Variants in SRD5A2 observed in about 807,000 individuals in gnomAD.
SRD5A2 encodes 3-oxo-5-alpha-steroid 4-dehydrogenase 2.
SRD5A2 carries 30 observed loss-of-function variants against 27.4 expected under a neutral mutation model. The observed-to-expected ratio is 1.10, with a 90% CI of 0.82 to 1.49. The LOEUF (loss-of-function observed/expected upper bound fraction) is 1.49, where lower values mean the gene tolerates loss of function less well. Among genes scored for constraint, SRD5A2 ranks in the 40% most tolerant of loss-of-function variants. The pLI, the probability that SRD5A2 is intolerant of heterozygous loss-of-function variation, is 0.00. For synonymous variants in SRD5A2, 141 were observed against 133.6 expected (o/e 1.06, Z -0.38); for missense variants, 348 against 323.4 (o/e 1.08, Z -0.58).
intron 1 of SRD5A2, among the ~76,000 whole-genome samples, chr2:31,562,220 T>C (rs984040598): frequency 4.6e-5 from 7 of 152,150 alleles, no homozygotes; most frequent in African/African-American, 1.4e-4. Context: ...TACAGGTCTT[T>C]TTTTTCCTTT....
the SRD5A2 span, among the ~76,000 whole-genome samples, chr2:31,594,845 T>C: frequency 1.3e-5 from 2 of 152,136 alleles, no homozygotes; most frequent in Non-Finnish European, 2.9e-5. Context: ...CAATTGAAAT[T>C]ATAGCAAGTA....
the SRD5A2 span, among the ~76,000 whole-genome samples, chr2:31,659,038 G>A: frequency 1.3e-5 from 2 of 152,108 alleles, no homozygotes; most frequent in Admixed American, 6.6e-5. Context: ...TTATTCCTGG[G>A]ATTCAAGATT....
At chr2:31,613,838 G>A in the SRD5A2 span, among the ~76,000 whole-genome samples, 1 of 152,124 alleles carries the variant, frequency 6.6e-6, no homozygotes, top group Admixed American at 6.5e-5. Context: ...GTGGCAGGCA[G>A]GAGGGAGCAT....
chr2:31,631,619 G>A, the SRD5A2 span, among the ~76,000 whole-genome samples: 2 of 152,092 alleles, frequency 1.3e-5, no homozygotes, highest in Non-Finnish European at 2.9e-5. Context: ...AACCCTGATG[G>A]CTATATTGAT....
At chr2:31,606,719 T>G in the SRD5A2 span, among the ~76,000 whole-genome samples, 10 of 151,972 alleles carry the variant, frequency 6.6e-5, no homozygotes, top group Non-Finnish European at 1.5e-5. Flanking sequence ...GATACTATGT[T>G]GCTCAAAGCC....
chr2:31,540,473 T>A (rs1206307110), intron 1 of SRD5A2, among the ~76,000 whole-genome samples: 1 of 151,954 alleles, frequency 6.6e-6, no homozygotes, highest in African/African-American at 2.4e-5. Context: ...TATAACAATA[T>A]AGTCAGGGTA....
the SRD5A2 span, among the ~76,000 whole-genome samples, chr2:31,636,639 T>C: frequency 6.6e-6 from 1 of 152,026 alleles, no homozygotes; most frequent in Non-Finnish European, 1.5e-5. Flanking sequence ...TTTCTAAAAC[T>C]ATGTCCCTCC....
At chr2:31,548,464 TA>T (rs1666310371) in intron 1 of SRD5A2, among the ~76,000 whole-genome samples, 1 of 152,124 alleles carries the variant, frequency 6.6e-6, no homozygotes, top group Admixed American at 6.5e-5. Context: ...AAATGGCCCA[TA>T]AGAACCTGAA....
upstream of SRD5A2, among the ~76,000 whole-genome samples, chr2:31,582,149 C>A (rs927473053): frequency 1.3e-5 from 2 of 152,172 alleles, no homozygotes; most frequent in Non-Finnish European, 2.9e-5. Flanking sequence ...CTACTTGGGG[C>A]TCCACCCCAG....
the SRD5A2 span, among the ~76,000 whole-genome samples, chr2:31,660,755 A>C: frequency 4.4e-4 from 67 of 152,250 alleles, no homozygotes; most frequent in African/African-American, 1.6e-3. Flanking sequence ...TTGTAATTGC[A>C]AAACATTGGA....
At chr2:31,639,062 T>C in the SRD5A2 span, among the ~76,000 whole-genome samples, 1 of 152,082 alleles carries the variant, frequency 6.6e-6, no homozygotes, top group African/African-American at 2.4e-5. Flanking sequence ...CTTTTTATTT[T>C]TGTGAATCTA....
the SRD5A2 span, among the ~76,000 whole-genome samples, chr2:31,609,016 A>G: frequency 6.6e-6 from 1 of 152,068 alleles, no homozygotes; most frequent in African/African-American, 2.4e-5. Context: ...AGAAAGAGGG[A>G]GATCTTTTTC....
intron 1 of SRD5A2, among the ~76,000 whole-genome samples, chr2:31,564,597 T>G (rs1248525882): frequency 6.6e-6 from 1 of 151,916 alleles, no homozygotes; most frequent in Non-Finnish European, 1.5e-5. Flanking sequence ...AGGAATATAG[T>G]AACCCAACAT....
chr2:31,548,299 A>T lies in SRD5A2; in HGVS notation c.282-14533T>A, dbSNP rs376963151. ...CATCAAAGACACTATTAATAGAGGA[A>T]AAGGGCAACCCACAGAATGGGAGAA... On this transcript the variant is annotated intron_variant, in intron 1 of 4. Coordinates refer to ENST00000622030, the MANE Select transcript of SRD5A2 (RefSeq NM_000348.4). Among the ~76,000 whole-genome samples, 20 of 152,300 alleles carry T rather than the reference A, an allele frequency of 1.3e-4. No individual in the cohort carries two copies. The South Asian group carries it at 3.5e-3, about 27-fold the overall frequency.
the SRD5A2 span, among the ~76,000 whole-genome samples, chr2:31,607,937 G>C: frequency 1.3e-5 from 2 of 151,976 alleles, no homozygotes; most frequent in African/African-American, 4.8e-5. Flanking sequence ...AGAAGACAAT[G>C]ATCTCTCTTT....
chr2:31,602,718 C>A, the SRD5A2 span, among the ~76,000 whole-genome samples: 240 of 152,062 alleles, frequency 1.6e-3, no homozygotes, highest in Middle Eastern at 0.034. Flanking sequence ...ATACATGGAA[C>A]AACCGAACAG....
chr2:31,645,529 A>T, the SRD5A2 span, among the ~76,000 whole-genome samples: 1 of 152,192 alleles, frequency 6.6e-6, no homozygotes, highest in Non-Finnish European at 1.5e-5. Context: ...CGTTAGTTCA[A>T]TTTGTGTTGA....
At chr2:31,610,234 C>T in the SRD5A2 span, among the ~76,000 whole-genome samples, 2 of 151,982 alleles carry the variant, frequency 1.3e-5, no homozygotes, top group African/African-American at 2.4e-5. Flanking sequence ...AAACTACAGG[C>T]CAATATACTG....
chr2:31,551,375 G>A (rs1666378567), intron 1 of SRD5A2, among the ~76,000 whole-genome samples: 1 of 152,058 alleles, frequency 6.6e-6, no homozygotes, highest in African/African-American at 2.4e-5. Flanking sequence ...CTTACAATGA[G>A]ATTACTTCCT....
Sources: allele counts gnomAD v4.1 joint callset (sites outside exome capture counted in the v4.1 genomes callset), GRCh38; gene constraint gnomAD v4.1.1; transcripts MANE v1.5; gene names NCBI Gene and HGNC (gene_info 2026-07-23, HGNC 2026-07-21).